The following NLRC3 variants were observed in gnomAD, a reference collection of about 807,000 sequenced individuals.
NLRC3 encodes NLR family CARD domain-containing protein 3.
In NLRC3, 87 loss-of-function variants were observed where a neutral mutation model predicts 91.6. The observed-to-expected ratio is 0.95, with a 90% confidence interval of 0.80 to 1.14. The LOEUF is 1.14. Among genes scored for constraint, NLRC3 ranks in the 50% most tolerant of loss-of-function variants. The pLI is 0.00. For missense variants in NLRC3, 1,577 were observed against 1,418.6 expected (o/e 1.11, Z -1.79); for synonymous variants, 694 against 625.3 (o/e 1.11, Z -1.64).
At chr16:3,547,375 C>A (rs1332511975) in intron 15 of NLRC3, among the ~76,000 whole-genome samples, 1 of 152,024 alleles carries the variant, frequency 6.6e-6, no homozygotes, top group East Asian at 1.9e-4. Flanking sequence ...GTAGGAAGAT[C>A]ATGGAGATGG....
chr16:3,542,050 C>T lies in NLRC3; in HGVS notation c.3108-135G>A, dbSNP rs2038429396. 5 of 798,226 alleles carry T rather than the reference C, an allele frequency of 6.3e-6. No homozygotes were observed. In the Admixed American group the frequency reaches 6.3e-5, roughly 10 times the overall value. 49.4% of individuals were successfully genotyped at this position (798,226 alleles called of 1,614,324 possible). On this transcript the variant is annotated intron_variant, in intron 19 of 19. Transcript: ENST00000359128. Reference sequence around the variant, plus strand: ...ATCCCCTCGCTACATGGACAAGGCTCAGGGTACCTCCCCTTAGACCAGGTT... The same window carrying T: ...ATCCCCTCGCTACATGGACAAGGCTTAGGGTACCTCCCCTTAGACCAGGTT...
chr16:3,555,950 A>ATAAAT, intron 8 of NLRC3: 1 of 148,764 alleles, frequency 6.7e-6, no homozygotes, highest in Non-Finnish European at 1.5e-5. Flanking sequence ...AAATAAATAA[A>ATAAAT]TAAATAAATA....
chr16:3,542,327 A>ACC lies in NLRC3; in HGVS notation c.3024-54_3024-53insGG, dbSNP rs1403672807. 4.4e-6 allele frequency: 5 copies of ACC among 1,124,336 alleles called. No homozygotes were observed. The Admixed American group carries it at 9.9e-5, about 22-fold the overall frequency. 69.6% of individuals were successfully genotyped at this position (1,124,336 alleles called of 1,614,324 possible). ...GGTGAGCCATCAGGGCAGAAGGAAA[A>ACC]CACCCGGGGAAGCAACAGTGCATTG... On this transcript the variant is annotated intron_variant, in intron 18 of 19. Coordinates refer to ENST00000359128, the MANE Select transcript of NLRC3 (RefSeq NM_178844.4).
intron 1 of NLRC3, among the ~76,000 whole-genome samples, chr16:3,569,371 CATATAT>C (rs139927647): frequency 1.4e-5 from 1 of 70,406 alleles, no homozygotes; most frequent in Non-Finnish European, 2.3e-5. Flanking sequence ...TTCTGAAAAC[CATATAT>C]ATATATATAT....
intron 9 of NLRC3, 47 bp from the exon 10 acceptor site, chr16:3,552,326 A>T: frequency 2.2e-6 from 3 of 1,357,916 alleles, no homozygotes; most frequent in Non-Finnish European, 2.1e-6. Context: ...GGTCACAGCC[A>T]TTCCCAGGCC....
intron 12 of NLRC3, 76 bp downstream of exon 12, chr16:3,549,621 T>C (rs2038889550): frequency 9.0e-7 from 1 of 1,116,948 alleles, no homozygotes; most frequent in Non-Finnish European, 1.3e-6. Context: ...TGAGACAGGC[T>C]TCCCAGTGCC....
intron 1 of NLRC3, among the ~76,000 whole-genome samples, chr16:3,568,023 AC>A (rs755747573): frequency 3.3e-5 from 5 of 151,560 alleles, no homozygotes; most frequent in Non-Finnish European, 7.4e-5. Flanking sequence ...ATGCCACCAC[AC>A]CTGGCTAATT....
chr16:3,562,154 T>C (rs1033532475), intron 5 of NLRC3, among the ~76,000 whole-genome samples: 1 of 152,198 alleles, frequency 6.6e-6, no homozygotes, highest in Non-Finnish European at 1.5e-5. Flanking sequence ...GTGCAGCTTC[T>C]ATCAGACTGG....
At position 3,564,024 on chromosome 16, in the gene NLRC3, C is replaced by G. The variant is rs745914227; in HGVS notation, c.913G>C (p.Asp305His). Residue 305 changes from aspartate to histidine, a missense_variant, in exon 5 of 20, where the codon GAC becomes CAC. By Grantham distance (81) the Asp-to-His change is moderately conservative (BLOSUM62 -1). Transcript: ENST00000359128. This position sits in a 1 kb window ranked among gnomAD's most constrained non-coding sequence, Gnocchi z 5.9. ...KVCLEQMFPE[D>H]QALLGWMLSQ... ...AGCATCCAGCCCAGAAGGGCCTGGT[C>G]CTCGGGGAACATCTGCTCCAAACAC... is the stretch of plus-strand genomic sequence containing the variant. The G allele has an allele frequency of 1.2e-6, 2 of 1,610,736 alleles. No individual in the cohort carries two copies. The highest frequency in any genetic ancestry group is 1.7e-6 in the Non-Finnish European group (2 of 1,179,848).
chr16:3,572,296 G>A (rs1341770284), intron 1 of NLRC3, among the ~76,000 whole-genome samples: 1 of 151,952 alleles, frequency 6.6e-6, no homozygotes, highest in Non-Finnish European at 1.5e-5. Context: ...CATGGAGGTA[G>A]TGGGAAATTT....
rs2038398290 is a variant in NLRC3 at position 3,541,644 on chromosome 16, G to A, written c.*181C>T. ...GTCACCCCCTGCCTGGACCACTCCT[G>A]CAGCAGAAGAGGAGCTCACGACCTC... is the stretch of plus-strand genomic sequence containing the variant. On this transcript the variant is annotated 3_prime_UTR_variant, in exon 20 of 20. Coordinates refer to ENST00000359128, the MANE Select transcript of NLRC3 (RefSeq NM_178844.4). The A allele has an allele frequency of 5.0e-6, 3 of 600,604 alleles. No homozygotes were observed. The highest frequency in any genetic ancestry group is 5.7e-5 in the Admixed American group (2 of 34,934). The allele number at this position is 600,604 out of a possible 1,614,324, so 37.2% of individuals were successfully genotyped here. A position where few individuals can be genotyped will look rare whatever the true frequency, so the allele number is the denominator to read the frequency against.
rs571729144 is a variant in NLRC3 at position 3,543,137 on chromosome 16, C to T, written c.2939+288G>A. The T allele has an allele frequency of 1.6e-5, 8 of 492,588 alleles. No individual in the cohort carries two copies. In the East Asian group the frequency reaches 3.0e-4, roughly 18 times the overall value. 30.5% of individuals were successfully genotyped at this position (492,588 alleles called of 1,614,324 possible). The stretch of plus-strand genomic sequence containing the variant: ...CTGAGCCTCAGAGCTGTAACCTCAC[C>T]CCAGGACTTTGGATCTGCCCAGAGA... On this transcript the variant is annotated intron_variant, in intron 17 of 19. Coordinates refer to ENST00000359128, the MANE Select transcript of NLRC3 (RefSeq NM_178844.4).
At chr16:3,558,583 CA>C (rs2039462236) in intron 6 of NLRC3, among the ~76,000 whole-genome samples, 1 of 63,426 alleles carries the variant, frequency 1.6e-5, no homozygotes, top group Admixed American at 1.5e-4. Context: ...AAAAAAAAAC[CA>C]CACACACACA....
Position 3,563,482 on chromosome 16 carries a change from G to A in NLRC3, c.1455C>T (p.Ser485=), listed in dbSNP as rs1185391125. 3.1e-6 allele frequency: 5 copies of A among 1,589,904 alleles called. No homozygotes were observed. The African/African-American group carries it at 4.0e-5, about 13-fold the overall frequency. ...IFDLFTESGV[S]WPRLGFLTHF... ...GCGTGAGGAAGCCCAGCCTGGGCCAGGATACGCCGCTCTCAGTGAAGAGGT... is the reference window on the plus strand; with the variant it reads ...GCGTGAGGAAGCCCAGCCTGGGCCAAGATACGCCGCTCTCAGTGAAGAGGT... The change falls in exon 5 of 20, where the codon TCC becomes TCT. Residue 485 remains serine, a synonymous_variant. Transcript: ENST00000359128.
At chr16:3,560,428 A>C (rs369151094) in intron 6 of NLRC3, among the ~76,000 whole-genome samples, 363 of 145,124 alleles carry the variant, frequency 2.5e-3, no homozygotes, top group African/African-American at 8.7e-3. Context: ...GTCTCAAAAC[A>C]AAAAAAAAAA....
chr16:3,565,169 C>A lies in NLRC3; in HGVS notation c.-24-109G>T, dbSNP rs1021102564. On this transcript the variant is annotated intron_variant, in intron 3 of 19. Transcript: ENST00000359128. ...GGTCAGGGATCCCCTCTTCCTCTTT[C>A]CTCAGCCTTTGGGTGGCCCACTGGC... 5.9e-6 allele frequency: 5 copies of A among 851,922 alleles called. No individual in the cohort carries two copies. In the African/African-American group the frequency reaches 8.4e-5, roughly 14 times the overall value. 52.8% of individuals were successfully genotyped at this position (851,922 alleles called of 1,614,324 possible).
Position 3,563,279 on chromosome 16 carries a change from C to T in NLRC3, c.1658G>A (p.Cys553Tyr). Residue 553 changes from cysteine (C) to tyrosine (Y), a missense_variant, in exon 5 of 20, where the codon TGC becomes TAC. Physicochemically the swap from Cys to Tyr is radical, Grantham distance 194. Coordinates refer to ENST00000359128, the MANE Select transcript of NLRC3 (RefSeq NM_178844.4). ...RTQVAELLQG[C>Y]LRPDAAVCAR... Reference sequence around the variant, plus strand: ...ACAGACTGCGGCATCGGGGCGCAGGCAGCCCTGCAGGAGCTCAGCCACCTG... The same window carrying T: ...ACAGACTGCGGCATCGGGGCGCAGGTAGCCCTGCAGGAGCTCAGCCACCTG... 6.2e-7 allele frequency: 1 copy of T among 1,604,236 alleles called. No individual in the cohort carries two copies. Among genetic ancestry groups the T allele is most frequent in the Non-Finnish European group, 8.5e-7 (1 of 1,176,724 alleles).
At chr16:3,565,142 G>C in intron 3 of NLRC3, 82 bp from the exon 4 acceptor site, 1 of 1,065,696 alleles carries the variant, frequency 9.4e-7, no homozygotes, top group Non-Finnish European at 1.4e-6. Context: ...CCCCAGGAAC[G>C]GGGTCAGGGA....
rs1274757729 is a variant in NLRC3 at position 3,541,609 on chromosome 16, C to T, written c.*216G>A. The T allele has an allele frequency of 1.7e-6, 1 of 578,348 alleles. No individual in the cohort carries two copies. Among genetic ancestry groups the T allele is most frequent in the Admixed American group, 3.0e-5 (1 of 33,164 alleles). 35.8% of individuals were successfully genotyped at this position (578,348 alleles called of 1,614,324 possible). ...GGCCCCTCCCTTCTCTGTGCCATAA[C>T]AGAGTACCCGTCACCCCCTGCCTGG... On this transcript the variant is annotated 3_prime_UTR_variant, in exon 20 of 20. Transcript: ENST00000359128.
Sources: allele counts gnomAD v4.1 joint callset (sites outside exome capture counted in the v4.1 genomes callset), GRCh38; gene constraint gnomAD v4.1.1; non-coding constraint Gnocchi (gnomAD v3.1); transcripts MANE v1.5; gene names NCBI Gene and HGNC (gene_info 2026-07-23, HGNC 2026-07-21).